Variants in MEGF6 observed in about 807,000 individuals in gnomAD.
MEGF6 encodes multiple EGF like domains 6, also known as multiple epidermal growth factor-like domains protein 6.
In MEGF6, 184 loss-of-function variants were observed where a neutral mutation model predicts 207.1. That is an observed-to-expected ratio of 0.89 (90% confidence interval 0.79 to 1.00). MEGF6 has a LOEUF of 1.00. Among genes scored for constraint, MEGF6 ranks in the 50% least tolerant of loss-of-function variants. The pLI, the probability that MEGF6 is intolerant of heterozygous loss-of-function variation, is 0.00. For synonymous variants in MEGF6, 1,038 were observed against 910.0 expected (o/e 1.14, Z -2.53); for missense variants, 2,282 against 2,202.9 (o/e 1.04, Z -0.72).
rs1161137684 is a variant in MEGF6, at chr1:3,490,523, C to T, written c.*5G>A. ...GGAGAGGCGGGCTCCACGGGACTGCCTCTACTAGTGCCTCGCTGGTCCACC... is the reference window on the plus strand; with the variant it reads ...GGAGAGGCGGGCTCCACGGGACTGCTTCTACTAGTGCCTCGCTGGTCCACC... On this transcript the variant is annotated 3_prime_UTR_variant, in exon 37 of 37. Transcript: ENST00000356575. 3.1e-6 allele frequency: 5 copies of T among 1,612,820 alleles called. No homozygotes were observed. In the East Asian group the frequency reaches 1.1e-4, roughly 36 times the overall value.
intron 18 of MEGF6, 75 bp from the exon 19 acceptor site, chr1:3,501,383 C>T: frequency 3.3e-6 from 5 of 1,506,528 alleles, no homozygotes; most frequent in Non-Finnish European, 3.6e-6. Context: ...TGGCACGATG[C>T]CCCTGGAGCC....
intron 4 of MEGF6, among the ~76,000 whole-genome samples, chr1:3,541,823 G>A (rs909066365): frequency 1.8e-4 from 28 of 151,990 alleles, no homozygotes; most frequent in Non-Finnish European, 3.1e-4. Context: ...GGCTCCCTGG[G>A]GGCACCGTGG....
chr1:3,558,472 C>T (rs187058252), intron 4 of MEGF6, among the ~76,000 whole-genome samples: 86 of 152,302 alleles, frequency 5.6e-4, no homozygotes, highest in Non-Finnish European at 7.1e-4. Flanking sequence ...AAAGACTCAA[C>T]TTCCTGGTCA....
At chr1:3,529,847 T>C (rs1486424704) in intron 4 of MEGF6, among the ~76,000 whole-genome samples, 1 of 152,206 alleles carries the variant, frequency 6.6e-6, no homozygotes, top group Non-Finnish European at 1.5e-5. Context: ...GAAGCCCACC[T>C]GGACTTATAG....
In MEGF6 at chr1:3,511,542, G is replaced by A; in HGVS notation, c.1114+8C>T. ...GGGTGCAGGCATCTGGGAGGAGCCA[G>A]TGCGCACCGATGCAGGTCCTCTGAT... On this transcript the variant is annotated splice_region_variant and intron_variant, in intron 9 of 36. Transcript: ENST00000356575. 6.2e-7 allele frequency: 1 copy of A among 1,601,378 alleles called. No homozygotes were observed. The highest frequency in any genetic ancestry group is 8.5e-7 in the Non-Finnish European group (1 of 1,171,664).
chr1:3,518,471 C>G lies in MEGF6; in HGVS notation c.605-2944G>C, dbSNP rs543160583. Reference sequence around the variant, plus strand: ...CTCCTTCCGTCTGAGCTGCCTTGGTCTCTGCTCGAGGCGCAGCATCCTGGG... The same window carrying G: ...CTCCTTCCGTCTGAGCTGCCTTGGTGTCTGCTCGAGGCGCAGCATCCTGGG... On this transcript the variant is annotated intron_variant, in intron 5 of 36. Coordinates refer to ENST00000356575, the MANE Select transcript of MEGF6 (RefSeq NM_001409.4). 2.0e-5 allele frequency among the ~76,000 whole-genome samples: 3 copies of G among 152,338 alleles called. No homozygotes were observed. The East Asian group carries it at 5.8e-4, about 29-fold the overall frequency.
intron 4 of MEGF6, among the ~76,000 whole-genome samples, chr1:3,548,822 C>T (rs1344034208): frequency 3.3e-5 from 5 of 152,220 alleles, no homozygotes; most frequent in Admixed American, 3.3e-4. Flanking sequence ...CACCCCGACC[C>T]TGCTAGGCTC....
chr1:3,550,366 C>T (rs1307323394), intron 4 of MEGF6, among the ~76,000 whole-genome samples: 4 of 152,122 alleles, frequency 2.6e-5, no homozygotes, highest in Non-Finnish European at 4.4e-5. Flanking sequence ...GAGCCCATCT[C>T]GAGAGGTCAC....
intron 4 of MEGF6, among the ~76,000 whole-genome samples, chr1:3,539,847 G>T (rs1285028759): frequency 6.6e-6 from 1 of 152,180 alleles, no homozygotes; most frequent in Non-Finnish European, 1.5e-5. Context: ...AGGGTCCCAG[G>T]GTGCGCTGAG....
At chr1:3,533,341 C>T (rs1642232401) in intron 4 of MEGF6, among the ~76,000 whole-genome samples, 1 of 152,252 alleles carries the variant, frequency 6.6e-6, no homozygotes, top group South Asian at 2.1e-4. Flanking sequence ...GGGAGCCCCT[C>T]CCATCAGCCT....
Position 3,537,534 on chromosome 1 carries a change from C to A in MEGF6, c.482-13288G>T, listed in dbSNP as rs993616673. 2.0e-5 allele frequency among the ~76,000 whole-genome samples: 3 copies of A among 152,356 alleles called. No individual in the cohort carries two copies. The East Asian group carries it at 5.8e-4, about 29-fold the overall frequency. On this transcript the variant is annotated intron_variant, in intron 4 of 36. Transcript: ENST00000356575. ...GGGTGCTCCTAGGTGGGCAGATGGA[C>A]CCTGAACGAGTGGCCGGGGGGCACC...
At chr1:3,572,897 C>T (rs1643547403) in intron 4 of MEGF6, among the ~76,000 whole-genome samples, 1 of 129,364 alleles carries the variant, frequency 7.7e-6, no homozygotes, top group South Asian at 2.8e-4. Context: ...CCTGGGTGTG[C>T]TGGGTTCTCC....
intron 5 of MEGF6, among the ~76,000 whole-genome samples, chr1:3,519,472 G>T (rs548597994): frequency 6.6e-6 from 1 of 152,250 alleles, no homozygotes. Flanking sequence ...ACCGCCACAC[G>T]CGCCTACTCG....
At chr1:3,497,570 C>T (rs771371678) in intron 26 of MEGF6, 25 of 721,174 alleles carry the variant, frequency 3.5e-5, no homozygotes, top group East Asian at 1.4e-4. Context: ...GCCTCCCCAC[C>T]GGCAGGCACA....
the MEGF6 span, among the ~76,000 whole-genome samples, chr1:3,618,373 G>A: frequency 1.6e-3 from 241 of 152,148 alleles, no homozygotes; most frequent in South Asian, 7.7e-3. The surrounding 1 kb of genome is among the most constrained non-coding windows in gnomAD (Gnocchi z 4.7). Flanking sequence ...CCCACCCCTC[G>A]AGACCAGGCC....
chr1:3,498,800 TGTCGCC>T lies in MEGF6; in HGVS notation c.3115_3120del (p.Gly1039_Asp1040del), dbSNP rs1465914368. 1 of 1,555,328 alleles carries T rather than the reference TGTCGCC, an allele frequency of 6.4e-7. No individual in the cohort carries two copies. On this transcript the variant is annotated inframe_deletion, in exon 25 of 37. Coordinates refer to ENST00000356575, the MANE Select transcript of MEGF6 (RefSeq NM_001409.4). The stretch of plus-strand genomic sequence containing the variant: ...TGGCAGAGGCAGGAATGCCGACAGT[TGTCGCC>T]GTACAGGCCGGCAGGGCAGGCTGGG...
rs60180902 is a variant in MEGF6 at position 3,606,690 on chromosome 1, T to C, written c.132-4090A>G. 1.1e-4 allele frequency among the ~76,000 whole-genome samples: 16 copies of C among 152,310 alleles called. No individual in the cohort carries two copies. In the East Asian group the frequency reaches 1.2e-3, roughly 11 times the overall value. On this transcript the variant is annotated intron_variant, in intron 1 of 36. Transcript: ENST00000356575. ...TGGGCCATAGGAACTGCTACAGGCATTGAACGCTTTTGCCGTCCCTGTGCC... is the reference window on the plus strand; with the variant it reads ...TGGGCCATAGGAACTGCTACAGGCACTGAACGCTTTTGCCGTCCCTGTGCC...
chr1:3,611,191 C>A lies in MEGF6; in HGVS notation c.78G>T (p.Val26=). The change falls in exon 1 of 37, where the codon GTG becomes GTT. Residue 26 remains valine, a synonymous_variant. Transcript: ENST00000356575. The stretch of plus-strand genomic sequence containing the variant: ...GCGGCGGAACGCTGGCGCCCACGGG[C>A]ACGGCGGGGAGCAGCAGCAGCACCA... ...LALVLLLLPA[V]PVGASVPPRP... 6.4e-7 allele frequency: 1 copy of A among 1,551,142 alleles called. No individual in the cohort carries two copies. Among genetic ancestry groups the A allele is most frequent in the Non-Finnish European group, 8.6e-7 (1 of 1,158,492 alleles).
chr1:3,591,714 T>C (rs1380604479), intron 3 of MEGF6, among the ~76,000 whole-genome samples: 1 of 140,478 alleles, frequency 7.1e-6, no homozygotes, highest in South Asian at 2.5e-4. Context: ...CAAGGTCTCG[T>C]AGCTCACAAG....
Sources: allele counts gnomAD v4.1 joint callset (sites outside exome capture counted in the v4.1 genomes callset), GRCh38; gene constraint gnomAD v4.1.1; non-coding constraint Gnocchi (gnomAD v3.1); transcripts MANE v1.5; gene names NCBI Gene and HGNC (gene_info 2026-07-23, HGNC 2026-07-21).